TBC1D32: variants seen among roughly 807,000 people sequenced by gnomAD.
TBC1D32 encodes protein broad-minded.
A neutral mutation model predicts 170.3 loss-of-function variants in TBC1D32; 151 were observed. That is an observed-to-expected ratio of 0.89 (90% CI 0.78 to 1.01). TBC1D32 has a LOEUF of 1.01. Among genes scored for constraint, TBC1D32 ranks in the 50% least tolerant of loss-of-function variants. The pLI is 0.00. For missense variants in TBC1D32, 1,464 were observed against 1,457.1 expected (o/e 1.00, Z -0.08); for synonymous variants, 498 against 488.0 (o/e 1.02, Z -0.27).
chr6:121,330,069 T>C (rs1290195553), intron 1 of TBC1D32, among the ~76,000 whole-genome samples: 1 of 152,182 alleles, frequency 6.6e-6, no homozygotes. Context: ...TTTATTTTGT[T>C]TTATTTTGTG....
chr6:121,272,956 G>C (rs1287367236), intron 15 of TBC1D32, among the ~76,000 whole-genome samples: 1 of 152,046 alleles, frequency 6.6e-6, no homozygotes, highest in Non-Finnish European at 1.5e-5. Flanking sequence ...CATGTCCTTT[G>C]TAGGAACATG....
intron 22 of TBC1D32, among the ~76,000 whole-genome samples, chr6:121,194,811 T>TATC (rs1790515255): frequency 6.6e-6 from 1 of 152,210 alleles, no homozygotes; most frequent in African/African-American, 2.4e-5. Context: ...TTCCAAAAGA[T>TATC]ATCACACTGG....
intron 18 of TBC1D32, among the ~76,000 whole-genome samples, chr6:121,241,935 T>C (rs957994881): frequency 6.6e-6 from 1 of 152,192 alleles, no homozygotes; most frequent in African/African-American, 2.4e-5. Flanking sequence ...ATCCAGATGT[T>C]TGATATCATA....
At chr6:121,154,534 C>T (rs952200019) in intron 24 of TBC1D32, among the ~76,000 whole-genome samples, 2 of 152,164 alleles carry the variant, frequency 1.3e-5, no homozygotes, top group Non-Finnish European at 2.9e-5. Context: ...TTACCATATA[C>T]AAAAATTAAC....
intron 30 of TBC1D32, among the ~76,000 whole-genome samples, chr6:121,101,621 A>T (rs1397910322): frequency 1.3e-5 from 2 of 152,188 alleles, no homozygotes; most frequent in Non-Finnish European, 2.9e-5. Flanking sequence ...GAAAACTCAC[A>T]GCCAGTATCA....
chr6:121,141,358 C>T (rs1353517038), intron 24 of TBC1D32, among the ~76,000 whole-genome samples: 1 of 152,158 alleles, frequency 6.6e-6, no homozygotes, highest in Non-Finnish European at 1.5e-5. Context: ...GGATCAGAGG[C>T]ATAAGCCTAA....
At chr6:121,295,274 C>T (rs936372796) in intron 10 of TBC1D32, among the ~76,000 whole-genome samples, 89 of 139,330 alleles carry the variant, frequency 6.4e-4, no homozygotes, top group Non-Finnish European at 2.8e-4. Flanking sequence ...CATCGATGGC[C>T]TCTTATCCTA....
At chr6:121,156,935 C>G (rs1784969466) in intron 24 of TBC1D32, among the ~76,000 whole-genome samples, 1 of 152,012 alleles carries the variant, frequency 6.6e-6, no homozygotes, top group South Asian at 2.1e-4. Context: ...AGCATATGGT[C>G]AATCACAGAA....
chr6:121,105,979 C>G, intron 30 of TBC1D32, 44 bp downstream of exon 30: 1 of 1,512,726 alleles, frequency 6.6e-7, no homozygotes, highest in Non-Finnish European at 8.9e-7. Context: ...TTTGAAGACA[C>G]TGAGATAAAG....
At chr6:121,084,765 G>T (rs1776012250) in intron 31 of TBC1D32, among the ~76,000 whole-genome samples, 1 of 152,062 alleles carries the variant, frequency 6.6e-6, no homozygotes, top group Non-Finnish European at 1.5e-5. Context: ...AAGGCCTTTT[G>T]CAGTAGTAAA....
chr6:121,318,966 G>C (rs1321893895), intron 2 of TBC1D32, among the ~76,000 whole-genome samples: 2 of 150,344 alleles, frequency 1.3e-5, no homozygotes, highest in Non-Finnish European at 3.0e-5. Flanking sequence ...TGGGGAATCT[G>C]AATAGAAATC....
chr6:121,112,682 C>A, intron 28 of TBC1D32, 23 bp from the exon 29 acceptor site: 1 of 1,522,404 alleles, frequency 6.6e-7, no homozygotes, highest in South Asian at 1.4e-5. Context: ...GTTAAGAAAA[C>A]TTTACAATAT....
At chr6:121,120,582 T>C (rs1780156883) in intron 26 of TBC1D32, among the ~76,000 whole-genome samples, 1 of 152,052 alleles carries the variant, frequency 6.6e-6, no homozygotes, top group Admixed American at 6.6e-5. Context: ...GTTTTTCACA[T>C]AAATTTTTAT....
rs117580803 is a variant in TBC1D32 at position 121,120,361 on chromosome 6, A to G, written c.2984-5120T>C. ...CACTGAGCAATCAGTTTTGCTGAAT[A>G]TTTAGGTAATATATACAATATAATT... On this transcript the variant is annotated intron_variant, in intron 26 of 31. Transcript: ENST00000398212. Among the ~76,000 whole-genome samples, 1,335 of 152,190 alleles carry G rather than the reference A, an allele frequency of 8.8e-3. 10 individuals are homozygous for G. The highest frequency in any genetic ancestry group is 0.041 in the South Asian group (196 of 4,822).
At chr6:121,086,618 T>C (rs2128171536) in intron 31 of TBC1D32, among the ~76,000 whole-genome samples, 1 of 152,310 alleles carries the variant, frequency 6.6e-6, no homozygotes, top group Admixed American at 6.5e-5. Context: ...TGTTACAATA[T>C]GCAAGATTTA....
intron 2 of TBC1D32, among the ~76,000 whole-genome samples, chr6:121,319,396 A>G (rs1281966362): frequency 1.3e-5 from 2 of 152,162 alleles, no homozygotes; most frequent in Non-Finnish European, 2.9e-5. Context: ...GCAGCAAAAA[A>G]CAGGGAAACA....
At position 121,223,300 on chromosome 6, in the gene TBC1D32, A is replaced by G; in HGVS notation, c.2417T>C (p.Val806Ala). ...TTTATTAGGAAGATCTTGATTCCTT[A>G]CAAGCTCATAAATAGCAGGATAGGA... ...LLSYPAIYEL[V>A]RNQDLPNKTE... Residue 806 changes from valine to alanine, a missense_variant, in exon 21 of 32, where the codon GTA becomes GCA. Physicochemically the swap from Val to Ala is moderately conservative, Grantham distance 64 (BLOSUM62 0). Around this residue, in one of 3 missense-constraint regions of TBC1D32, gnomAD observed 1,363 missense variants for 1,338.1 expected, o/e 1.02. Coordinates refer to ENST00000398212, the MANE Select transcript of TBC1D32 (RefSeq NM_152730.6). 1.3e-6 allele frequency: 2 copies of G among 1,599,510 alleles called. No homozygotes were observed. The highest frequency in any genetic ancestry group is 2.3e-5 in the South Asian group (2 of 87,662).
intron 24 of TBC1D32, among the ~76,000 whole-genome samples, chr6:121,144,017 G>A (rs58654967): frequency 0.03 from 4,584 of 152,150 alleles, 231 homozygotes; most frequent in African/African-American, 0.1. Context: ...TTGCTGCCTA[G>A]ATCATGCTGT....
intron 15 of TBC1D32, among the ~76,000 whole-genome samples, chr6:121,276,674 T>A (rs1802264558): frequency 2.0e-5 from 3 of 151,954 alleles, no homozygotes; most frequent in Admixed American, 2.0e-4. Context: ...ACTTTAAACA[T>A]AAAGACGAAG....
Sources: gnomAD v4.1 joint callset for allele counts (sites outside exome capture counted in the v4.1 genomes callset) on GRCh38, gnomAD v4.1.1 for gene constraint, gnomAD v4.1.1 regional missense constraint, MANE v1.5 for transcripts, NCBI Gene and HGNC (gene_info 2026-07-23, HGNC 2026-07-21) for gene names.